Variants in PLXDC2 observed in about 807,000 individuals in gnomAD.
The protein encoded by PLXDC2 is plexin domain containing 2.
Under a neutral mutation model 68.9 loss-of-function variants are expected in PLXDC2, and 40 were observed. That is an observed-to-expected ratio of 0.58 (90% CI 0.45 to 0.76). The LOEUF is 0.76. Among genes scored for constraint, PLXDC2 ranks in the 30% least tolerant of loss-of-function variants. The pLI is 0.00. For synonymous variants in PLXDC2, 243 were observed against 234.2 expected (o/e 1.04, Z -0.34); for missense variants, 644 against 661.9 (o/e 0.97, Z 0.30).
At chr10:20,091,192 G>A (rs993279417) in intron 4 of PLXDC2, among the ~76,000 whole-genome samples, 3 of 152,116 alleles carry the variant, frequency 2.0e-5, no homozygotes, top group African/African-American at 4.8e-5. Flanking sequence ...TAGGTTCAAC[G>A]GGCCTTGAAG....
At chr10:20,200,844 T>C (rs1008142545) in intron 9 of PLXDC2, among the ~76,000 whole-genome samples, 4 of 152,044 alleles carry the variant, frequency 2.6e-5, no homozygotes, top group Non-Finnish European at 2.9e-5. Context: ...TCACCCCAGT[T>C]AGAGTAGCTA....
intron 2 of PLXDC2, among the ~76,000 whole-genome samples, chr10:20,039,303 A>C (rs991989639): frequency 6.6e-6 from 1 of 152,224 alleles, no homozygotes; most frequent in Non-Finnish European, 1.5e-5. Context: ...TTGAACTCCA[A>C]TCTCTCATTC....
chr10:19,974,931 TG>T (rs1834422975), intron 1 of PLXDC2, among the ~76,000 whole-genome samples: 1 of 152,176 alleles, frequency 6.6e-6, no homozygotes, highest in South Asian at 2.1e-4. Flanking sequence ...ACCTTCATAA[TG>T]AAAATGAGTG....
intron 2 of PLXDC2, among the ~76,000 whole-genome samples, chr10:20,014,485 TTCTC>T (rs1236881711): frequency 2.0e-5 from 3 of 151,566 alleles, no homozygotes; most frequent in African/African-American, 7.3e-5. Flanking sequence ...TTTCCTTTCT[TTCTC>T]TCTTTCTGTC....
chr10:20,051,875 G>A (rs1835908267), intron 3 of PLXDC2, among the ~76,000 whole-genome samples: 1 of 151,890 alleles, frequency 6.6e-6, no homozygotes, highest in African/African-American at 2.4e-5. Flanking sequence ...AGGCCTTATG[G>A]TCTCTGTCAC....
chr10:19,935,305 G>A (rs1240762973), intron 1 of PLXDC2, among the ~76,000 whole-genome samples: 1 of 152,224 alleles, frequency 6.6e-6, no homozygotes, highest in Non-Finnish European at 1.5e-5. Flanking sequence ...GAGAGGCACA[G>A]CCAGGCATTG....
intron 1 of PLXDC2, among the ~76,000 whole-genome samples, chr10:19,880,675 C>T (rs943331454): frequency 9.2e-5 from 14 of 152,158 alleles, no homozygotes; most frequent in African/African-American, 3.4e-4. Flanking sequence ...TCAGTACTTT[C>T]CATGAGTTAC....
chr10:19,848,713 G>C (rs1347506317), intron 1 of PLXDC2, among the ~76,000 whole-genome samples: 1 of 152,146 alleles, frequency 6.6e-6, no homozygotes, highest in Non-Finnish European at 1.5e-5. Context: ...TACCCACTAG[G>C]ATTTCAATCC....
intron 1 of PLXDC2, among the ~76,000 whole-genome samples, chr10:19,911,988 A>C (rs1833279538): frequency 6.6e-6 from 1 of 152,108 alleles, no homozygotes; most frequent in Non-Finnish European, 1.5e-5. Flanking sequence ...TCTTTTCTCT[A>C]TATAGGCTCC....
At chr10:20,194,394 T>C (rs1468053684) in intron 9 of PLXDC2, among the ~76,000 whole-genome samples, 1 of 152,006 alleles carries the variant, frequency 6.6e-6, no homozygotes, top group East Asian at 1.9e-4. Flanking sequence ...GAATTTACCA[T>C]GAACTCTAAA....
At chr10:19,992,275 A>G (rs1185143154) in intron 1 of PLXDC2, among the ~76,000 whole-genome samples, 1 of 152,206 alleles carries the variant, frequency 6.6e-6, no homozygotes, top group East Asian at 1.9e-4. Context: ...GCACCCTATC[A>G]TTTCACCAAT....
chr10:20,265,196 G>A (rs1347094505), intron 13 of PLXDC2, among the ~76,000 whole-genome samples: 1 of 152,172 alleles, frequency 6.6e-6, no homozygotes, highest in Non-Finnish European at 1.5e-5. Flanking sequence ...TCCATGTGGA[G>A]GAACTCTGCC....
At chr10:20,075,895 T>C (rs976165332) in intron 4 of PLXDC2, among the ~76,000 whole-genome samples, 1 of 152,158 alleles carries the variant, frequency 6.6e-6, no homozygotes, top group African/African-American at 2.4e-5. Context: ...TGTCCACTGA[T>C]TGCTAGTGCT....
At chr10:20,023,170 C>A (rs530744359) in intron 2 of PLXDC2, among the ~76,000 whole-genome samples, 3 of 148,964 alleles carry the variant, frequency 2.0e-5, no homozygotes, top group African/African-American at 7.4e-5. Flanking sequence ...ATCTACAATC[C>A]GTATTGTTTC....
chr10:20,243,053 T>C (rs1471399477), intron 12 of PLXDC2, among the ~76,000 whole-genome samples: 2 of 152,166 alleles, frequency 1.3e-5, no homozygotes, highest in African/African-American at 4.8e-5. Flanking sequence ...TAGTTTTTCT[T>C]TGCTTGAAAT....
intron 2 of PLXDC2, among the ~76,000 whole-genome samples, chr10:20,044,732 A>G (rs1023498365): frequency 2.0e-5 from 3 of 152,140 alleles, no homozygotes; most frequent in African/African-American, 7.2e-5. Context: ...AACAAGGGAA[A>G]TGATCACTTC....
intron 1 of PLXDC2, among the ~76,000 whole-genome samples, chr10:19,902,223 T>C (rs770770724): frequency 6.6e-6 from 1 of 152,158 alleles, no homozygotes; most frequent in Non-Finnish European, 1.5e-5. Flanking sequence ...TAGCAGTATT[T>C]TGATGGGAAT....
intron 2 of PLXDC2, among the ~76,000 whole-genome samples, chr10:20,010,106 C>T (rs1835086990): frequency 6.6e-6 from 1 of 152,110 alleles, no homozygotes; most frequent in Admixed American, 6.6e-5. Context: ...TTGCTTGATT[C>T]TGAAGGTTAA....
intron 4 of PLXDC2, among the ~76,000 whole-genome samples, chr10:20,112,129 C>T (rs529279296): frequency 1.3e-5 from 2 of 152,062 alleles, no homozygotes; most frequent in African/African-American, 4.8e-5. Flanking sequence ...GGAAGAGAGC[C>T]CTCCCCAGAA....
Sources: allele counts gnomAD v4.1 joint callset (sites outside exome capture counted in the v4.1 genomes callset), GRCh38; gene constraint gnomAD v4.1.1; transcripts MANE v1.5; gene names NCBI Gene and HGNC (gene_info 2026-07-23, HGNC 2026-07-21).